Variants in MACF1 observed in about 807,000 individuals in gnomAD.
The protein encoded by MACF1 is microtubule actin crosslinking factor 1.
MACF1 carries 193 observed loss-of-function variants against 854.8 expected under a neutral mutation model. The observed-to-expected ratio is 0.23, with a 90% CI of 0.20 to 0.25. The LOEUF (loss-of-function observed/expected upper bound fraction) is 0.25, where lower values mean the gene tolerates loss of function less well. Ranked by LOEUF, MACF1 falls within the 10% of genes least tolerant of loss-of-function variation. MACF1 has a pLI of 1.00. For missense variants in MACF1, 7,722 were observed against 8,929.1 expected, an observed-to-expected ratio of 0.86 and a Z score of 5.45; for synonymous variants, 3,185 against 3,226.7, an observed-to-expected ratio of 0.99 and a Z score of 0.44.
chr1:39,324,113 C>G, intron 33 of MACF1, 80 bp from the exon 34 acceptor site: 1 of 1,421,854 alleles, frequency 7.0e-7, no homozygotes, highest in Non-Finnish European at 9.5e-7. Flanking sequence ...TTTAGGAAGA[C>G]TTCATTTAAG....
At chr1:39,426,661 C>T (rs970452843) in intron 61 of MACF1, among the ~76,000 whole-genome samples, 1 of 152,094 alleles carries the variant, frequency 6.6e-6, no homozygotes, top group Non-Finnish European at 1.5e-5. Context: ...TCTCTGGTCT[C>T]AGTGACAGTC....
intron 80 of MACF1, among the ~76,000 whole-genome samples, chr1:39,445,333 G>A (rs1364162979): frequency 6.6e-6 from 1 of 152,126 alleles, no homozygotes; most frequent in African/African-American, 2.4e-5. Context: ...AGATGACTAG[G>A]GATCAAGGTG....
intron 67 of MACF1, 108 bp downstream of exon 67, chr1:39,432,762 T>C (rs2148653729): frequency 1.7e-6 from 2 of 1,193,534 alleles, no homozygotes; most frequent in Non-Finnish European, 2.3e-6. Context: ...GGCATGATGG[T>C]AAATAGAAAT....
At chr1:39,106,069 C>G (rs1307144959) in intron 2 of MACF1, among the ~76,000 whole-genome samples, 1 of 152,088 alleles carries the variant, frequency 6.6e-6, no homozygotes, top group Non-Finnish European at 1.5e-5. Context: ...AGAAACCACC[C>G]GCTCTGCTCT....
chr1:39,185,956 G>GT (rs1301800025), intron 2 of MACF1, among the ~76,000 whole-genome samples: 1 of 152,112 alleles, frequency 6.6e-6, no homozygotes, highest in East Asian at 1.9e-4. Flanking sequence ...TGGTGATGCT[G>GT]TTTCAGAAGT....
In MACF1 at chr1:39,132,725, G is replaced by T. The variant is rs545883167; in HGVS notation, c.220+48287G>T. ...TGATAGCATATTTTCTGAGTACCAG[G>T]AGACACTTGATGACTATAAAACATT... On this transcript the variant is annotated intron_variant, in intron 2 of 93. Coordinates refer to the MACF1 transcript ENST00000361689. Among the ~76,000 whole-genome samples, 28 of 152,208 alleles carry T rather than the reference G, an allele frequency of 1.8e-4. 1 individual carries two copies. The South Asian group carries it at 5.6e-3, about 30-fold the overall frequency.
rs202113892 is a variant in MACF1, at chr1:39,437,967, T to C, written c.18179T>C (p.Ile6060Thr). The part of the protein sequence containing the change: ...EALKRRGEEL[I>T]GRSQGADKDL... ...TTGAAGCGCCGTGGAGAGGAGCTTA[T>C]TGGACGATCTCAGGGAGCAGACAAG... The change falls in exon 71 of 101, where the codon ATT becomes ACT. Residue 6060 changes from isoleucine (I) to threonine (T), a missense_variant. Physicochemically the swap from Ile to Thr is moderately conservative, Grantham distance 89. This residue lies in a region of MACF1 where 2,807 missense variants were observed against 3,235.8 expected (regional missense o/e 0.87). Transcript: ENST00000564288. 1.2e-6 allele frequency: 2 copies of C among 1,614,144 alleles called. No homozygotes were observed. The highest frequency in any genetic ancestry group is 2.2e-5 in the East Asian group (1 of 44,876).
At chr1:39,304,568 T>C in intron 23 of MACF1, 1 of 869,048 alleles carries the variant, frequency 1.2e-6, no homozygotes, top group Non-Finnish European at 1.8e-6. Flanking sequence ...TTTCTTTCTT[T>C]TTTTTTTTTT....
At chr1:39,248,206 C>T (rs746216562) in intron 2 of MACF1, among the ~76,000 whole-genome samples, 24 of 152,186 alleles carry the variant, frequency 1.6e-4, no homozygotes, top group Non-Finnish European at 2.2e-4. Context: ...TCTACTAAAA[C>T]ATTTGCTAAT....
chr1:39,168,133 C>G (rs1643901462), intron 2 of MACF1, among the ~76,000 whole-genome samples: 1 of 152,108 alleles, frequency 6.6e-6, no homozygotes, highest in African/African-American at 2.4e-5. Context: ...CCGTTTAGCT[C>G]TGGACAGGGC....
At chr1:39,289,982 G>A (rs933532403) in intron 15 of MACF1, among the ~76,000 whole-genome samples, 2 of 152,106 alleles carry the variant, frequency 1.3e-5, no homozygotes, top group African/African-American at 4.8e-5. Flanking sequence ...TTACAGGCGT[G>A]AGCCACCACA....
chr1:39,471,389 C>T (rs112722268), intron 97 of MACF1, among the ~76,000 whole-genome samples: 1 of 152,068 alleles, frequency 6.6e-6, no homozygotes, highest in Non-Finnish European at 1.5e-5. Flanking sequence ...TGCATATTTC[C>T]TTGGGTCTCT....
chr1:39,369,700 G>A (rs1176821077), intron 50 of MACF1, among the ~76,000 whole-genome samples: 1 of 152,178 alleles, frequency 6.6e-6, no homozygotes, highest in East Asian at 1.9e-4. Context: ...TAGCAGGGCC[G>A]GAATTGAGAT....
At position 39,410,201 on chromosome 1, in the gene MACF1, G is replaced by A. The variant is rs1557637185; in HGVS notation, c.15817-12173G>A. The A allele has an allele frequency of 3.4e-6, 4 of 1,181,984 alleles. No individual in the cohort carries two copies. In the East Asian group the frequency reaches 9.5e-5, roughly 28 times the overall value. The allele number at this position is 1,181,984 out of a possible 1,614,324, so 73.2% of individuals were successfully genotyped here. ...AAAGGATTTATAACTTATGTAGAAT[G>A]CATTTGGGGGGAACCTGTGAAAAAT... On this transcript the variant is annotated intron_variant, in intron 58 of 100. Transcript: ENST00000564288.
At chr1:39,482,201 C>G (rs1645023376) in intron 99 of MACF1, among the ~76,000 whole-genome samples, 1 of 152,156 alleles carries the variant, frequency 6.6e-6, no homozygotes, top group South Asian at 2.1e-4. Context: ...CATCTCCTGA[C>G]TTGGAATTCT....
At chr1:39,102,107 G>C (rs1188410088) in intron 2 of MACF1, among the ~76,000 whole-genome samples, 1 of 151,828 alleles carries the variant, frequency 6.6e-6, no homozygotes, top group Non-Finnish European at 1.5e-5. Flanking sequence ...ACCCCGGGGG[G>C]CGGAGCCTGC....
intron 2 of MACF1, among the ~76,000 whole-genome samples, chr1:39,099,406 C>T (rs547886284): frequency 6.6e-6 from 1 of 152,292 alleles, no homozygotes; most frequent in Admixed American, 6.5e-5. Context: ...ATCTGCCCGC[C>T]CTGGCCTCCC....
intron 52 of MACF1, among the ~76,000 whole-genome samples, chr1:39,373,995 A>G (rs959502197): frequency 1.3e-5 from 2 of 152,072 alleles, no homozygotes; most frequent in African/African-American, 4.8e-5. Flanking sequence ...TAATCCCAGC[A>G]CTTTGGGAGG....
chr1:39,349,803 A>AT (rs962793077), intron 42 of MACF1, among the ~76,000 whole-genome samples, 176 bp downstream of exon 42: 1 of 152,026 alleles, frequency 6.6e-6, no homozygotes, highest in African/African-American at 2.4e-5. Context: ...TAATTTTTTA[A>AT]TTTTTTTGTA....
Sources: gnomAD v4.1 joint callset for allele counts (sites outside exome capture counted in the v4.1 genomes callset) on GRCh38, gnomAD v4.1.1 for gene constraint, gnomAD v4.1.1 regional missense constraint, MANE v1.5 for transcripts, NCBI Gene and HGNC (gene_info 2026-07-23, HGNC 2026-07-21) for gene names.